The following PTGES3 variants were observed in gnomAD, a reference collection of about 807,000 sequenced individuals.
PTGES3 encodes Hsp90 co-chaperone.
A neutral mutation model predicts 29.9 loss-of-function variants in PTGES3; 5 were observed. The ratio of observed to expected loss-of-function variants is 0.17; its 90% CI spans 0.09 to 0.35. PTGES3 has a LOEUF of 0.35. PTGES3 is among the 10% of genes least tolerant of loss of function. PTGES3 has a pLI of 1.00. For synonymous variants in PTGES3, 49 were observed against 57.8 expected, an observed-to-expected ratio of 0.85 and a Z score of 0.69; for missense variants, 128 against 190.0, an observed-to-expected ratio of 0.67 and a Z score of 1.92.
At chr12:56,687,254 A>AGT in intron 1 of PTGES3, 1 of 1,009,784 alleles carries the variant, frequency 9.9e-7, no homozygotes, top group Non-Finnish European at 1.2e-6. Flanking sequence ...CCTCACCTCA[A>AGT]GTAGAACATG....
At chr12:56,670,242 C>T (rs776471935) in intron 5 of PTGES3, 33 bp downstream of exon 5, 10 of 1,445,410 alleles carry the variant, frequency 6.9e-6, no homozygotes, top group Admixed American at 6.7e-5. Context: ...CCGTGTGCTT[C>T]GAATGGGGAG....
At chr12:56,683,289 G>C (rs527645085) in intron 1 of PTGES3, among the ~76,000 whole-genome samples, 3 of 151,368 alleles carry the variant, frequency 2.0e-5, no homozygotes, top group African/African-American at 7.3e-5. Context: ...TTTGAGACCA[G>C]CCTGACCAAC....
At chr12:56,676,286 G>A (rs933709381) in intron 1 of PTGES3, among the ~76,000 whole-genome samples, 5 of 150,410 alleles carry the variant, frequency 3.3e-5, no homozygotes, top group Non-Finnish European at 5.9e-5. Context: ...CTGACAGAAG[G>A]CTTATTTTTT....
rs573407634 is a variant in PTGES3, at chr12:56,667,548, A to C, written c.376-1282T>G. Among the ~76,000 whole-genome samples, 11 of 152,334 alleles carry C rather than the reference A, an allele frequency of 7.2e-5. No homozygotes were observed. In the South Asian group the frequency reaches 1.2e-3, roughly 17 times the overall value. The stretch of plus-strand genomic sequence containing the variant: ...TGAAGAATCTGAAGCACGTCATGCT[A>C]TGTGAAATAAGCCAGTCACAGGACA... On this transcript the variant is annotated intron_variant, in intron 5 of 7. Transcript: ENST00000262033.
At chr12:56,678,061 C>CA (rs1952348878) in intron 1 of PTGES3, among the ~76,000 whole-genome samples, 1 of 150,576 alleles carries the variant, frequency 6.6e-6, no homozygotes, top group Non-Finnish European at 1.5e-5. Flanking sequence ...CATTTATAGG[C>CA]AAGGTGTTTG....
chr12:56,688,056 GC>G lies in PTGES3; in HGVS notation c.-58del. The G allele has an allele frequency of 6.8e-7, 1 of 1,478,556 alleles. No homozygotes were observed. Among genetic ancestry groups the G allele is most frequent in the Non-Finnish European group, 9.0e-7 (1 of 1,112,828 alleles). The allele number at this position is 1,478,556 out of a possible 1,614,324, so 91.6% of individuals were successfully genotyped here. A position where few individuals can be genotyped will look rare whatever the true frequency, so the allele number is the denominator to read the frequency against. Reference sequence around the variant, plus strand: ...TGGGCGGGCCTCTCTGGCGGCGGCTGCTGCTAGGGAGTCGACTTCTCTCCGG... The same window carrying G: ...TGGGCGGGCCTCTCTGGCGGCGGCTGTGCTAGGGAGTCGACTTCTCTCCGG... On this transcript the variant is annotated 5_prime_UTR_variant, in exon 1 of 8. Coordinates refer to ENST00000262033, the MANE Select transcript of PTGES3 (RefSeq NM_006601.7).
At chr12:56,687,408 G>C in intron 1 of PTGES3, 1 of 987,552 alleles carries the variant, frequency 1.0e-6, no homozygotes, top group Non-Finnish European at 1.2e-6. Context: ...GAGGCGGACT[G>C]GAAGTACCCA....
chr12:56,676,232 C>CCCAA, intron 1 of PTGES3, among the ~76,000 whole-genome samples: 1 of 129,968 alleles, frequency 7.7e-6, no homozygotes, highest in South Asian at 2.3e-4. Context: ...TCTCCCCCCC[C>CCCAA]AAAAAAAAAA....
rs1592296088 is a variant in PTGES3, at chr12:56,688,184, G to A, written c.-185C>T. On this transcript the variant is annotated 5_prime_UTR_variant, in exon 1 of 8. Transcript: ENST00000262033. ...CCTCGGGCCCCAGAATGCACCGCGC[G>A]GAAAGAGCGGCTCCTCCGGTCGGGG... 3.7e-6 allele frequency: 4 copies of A among 1,094,876 alleles called. No homozygotes were observed. Among genetic ancestry groups the A allele is most frequent in the East Asian group, 6.4e-5 (2 of 31,182 alleles). 67.8% of individuals were successfully genotyped at this position (1,094,876 alleles called of 1,614,324 possible).
chr12:56,682,556 A>C (rs1161474956), intron 1 of PTGES3, among the ~76,000 whole-genome samples: 2 of 151,954 alleles, frequency 1.3e-5, no homozygotes, highest in African/African-American at 4.8e-5. Context: ...ACAGTGTCTC[A>C]GAAAAGAAGA....
intron 1 of PTGES3, among the ~76,000 whole-genome samples, chr12:56,678,006 G>C (rs543298131): frequency 1.3e-5 from 2 of 151,948 alleles, no homozygotes; most frequent in African/African-American, 4.8e-5. Context: ...AATATCTTAC[G>C]GTTTCCCTGA....
At chr12:56,677,055 C>G (rs1030368416) in intron 1 of PTGES3, among the ~76,000 whole-genome samples, 1 of 151,438 alleles carries the variant, frequency 6.6e-6, no homozygotes, top group Non-Finnish European at 1.5e-5. Flanking sequence ...GGCCAACCAC[C>G]GTGGTGAAAT....
chr12:56,664,940 C>G, intron 6 of PTGES3, 140 bp from the exon 7 acceptor site: 3 of 1,414,594 alleles, frequency 2.1e-6, no homozygotes, highest in Non-Finnish European at 2.8e-6. Context: ...GAAATTTAGT[C>G]ATTGGACTTG....
chr12:56,674,778 A>G (rs948470116), intron 1 of PTGES3, among the ~76,000 whole-genome samples: 2 of 134,574 alleles, frequency 1.5e-5, no homozygotes, highest in African/African-American at 5.6e-5. Context: ...GTGAGCTGAG[A>G]TCAGGCCACC....
rs979115397 is a variant in PTGES3 at position 56,688,284 on chromosome 12, G to C, written c.-285C>G. The C allele has an allele frequency of 8.5e-6, 4 of 468,462 alleles. No homozygotes were observed. Among genetic ancestry groups the C allele is most frequent in the Middle Eastern group, 1.2e-3 (2 of 1,736 alleles). 29.0% of individuals were successfully genotyped at this position (468,462 alleles called of 1,614,324 possible). A position where few individuals can be genotyped will look rare whatever the true frequency, so the allele number is the denominator to read the frequency against. On this transcript the variant is annotated 5_prime_UTR_variant, in exon 1 of 8. Transcript: ENST00000262033. ...CGTGCGTGCAAACGAGGGGTGGTGA[G>C]GCCGGGCGGCGGCTGGTGACGCAGC...
chr12:56,683,829 G>A lies in PTGES3; in HGVS notation c.2+4169C>T, dbSNP rs917181728. 2.7e-5 allele frequency among the ~76,000 whole-genome samples: 4 copies of A among 150,070 alleles called. No homozygotes were observed. The South Asian group carries it at 6.3e-4, about 24-fold the overall frequency. ...AAAAAATTAGCCGGGCGAGGTGGCG[G>A]GTGCCTGTAGTCCCAGCTACTCGGG... is the stretch of plus-strand genomic sequence containing the variant. On this transcript the variant is annotated intron_variant, in intron 1 of 7. Transcript: ENST00000262033.
intron 1 of PTGES3, among the ~76,000 whole-genome samples, chr12:56,677,821 G>A (rs1391536399): frequency 6.6e-6 from 1 of 152,052 alleles, no homozygotes; most frequent in Non-Finnish European, 1.5e-5. Context: ...TAGTGTCTTG[G>A]CTTATGTTGA....
chr12:56,671,623 G>A (rs1248359010), intron 4 of PTGES3, 126 bp downstream of exon 4: 4 of 484,072 alleles, frequency 8.3e-6, no homozygotes, highest in Non-Finnish European at 1.4e-5. Context: ...CAAAAAACAT[G>A]AACATGAGGC....
At chr12:56,681,668 C>T (rs532866777) in intron 1 of PTGES3, among the ~76,000 whole-genome samples, 3 of 150,322 alleles carry the variant, frequency 2.0e-5, no homozygotes, top group Admixed American at 6.6e-5. Context: ...ACCAACATGG[C>T]GAAACCCCAT....
Sources: gnomAD v4.1 joint callset for allele counts (sites outside exome capture counted in the v4.1 genomes callset) on GRCh38, gnomAD v4.1.1 for gene constraint, MANE v1.5 for transcripts, NCBI Gene and HGNC (gene_info 2026-07-23, HGNC 2026-07-21) for gene names.